ATRNL1: variants seen among roughly 807,000 people sequenced by gnomAD.
ATRNL1 encodes the protein attractin-like protein 1.
A neutral mutation model predicts 182.7 loss-of-function variants in ATRNL1; 95 were observed. The observed-to-expected ratio is 0.52, with a 90% CI of 0.44 to 0.62. The LOEUF is 0.62. ATRNL1 is among the 20% of genes least tolerant of loss of function. The pLI, the probability that ATRNL1 is intolerant of heterozygous loss-of-function variation, is 0.00. For synonymous variants in ATRNL1, 576 were observed against 568.3 expected (o/e 1.01, Z -0.19); for missense variants, 1,471 against 1,679.5 (o/e 0.88, Z 2.17).
intron 26 of ATRNL1, among the ~76,000 whole-genome samples, chr10:115,707,316 A>G (rs981997022): frequency 5.9e-5 from 9 of 151,808 alleles, no homozygotes; most frequent in African/African-American, 2.2e-4. Context: ...CAGAAAATGT[A>G]TATTTAAGTA....
chr10:115,797,204 T>G (rs1355364182), intron 27 of ATRNL1, among the ~76,000 whole-genome samples: 4 of 152,160 alleles, frequency 2.6e-5, no homozygotes, highest in Admixed American at 2.6e-4. Flanking sequence ...ATTAGACAAC[T>G]CAGGCCAGCA....
At chr10:115,667,000 G>A (rs1270891057) in intron 26 of ATRNL1, among the ~76,000 whole-genome samples, 1 of 152,120 alleles carries the variant, frequency 6.6e-6, no homozygotes, top group Non-Finnish European at 1.5e-5. Context: ...GCAGTTTAGG[G>A]ACTGTGGATG....
chr10:115,255,323 T>A (rs1851073139), intron 10 of ATRNL1, among the ~76,000 whole-genome samples: 1 of 152,220 alleles, frequency 6.6e-6, no homozygotes, highest in African/African-American at 2.4e-5. Flanking sequence ...AGCTGTGGTT[T>A]GTAGTTCTCC....
intron 20 of ATRNL1, among the ~76,000 whole-genome samples, chr10:115,407,714 T>C (rs1166167512): frequency 1.3e-5 from 2 of 152,200 alleles, no homozygotes; most frequent in East Asian, 1.9e-4. Flanking sequence ...GCCTTTGACA[T>C]ACTAATTTAT....
chr10:115,753,385 C>T (rs1948502142), intron 27 of ATRNL1, among the ~76,000 whole-genome samples: 2 of 152,132 alleles, frequency 1.3e-5, no homozygotes, highest in South Asian at 4.2e-4. Flanking sequence ...TTCATGTGTT[C>T]TAATTGTTCA....
At chr10:115,239,632 A>C (rs1031397620) in intron 9 of ATRNL1, among the ~76,000 whole-genome samples, 1 of 152,080 alleles carries the variant, frequency 6.6e-6, no homozygotes, top group Non-Finnish European at 1.5e-5. Context: ...TGTTCCTCTT[A>C]GAGTGACACC....
At chr10:115,279,094 C>T (rs564935589) in intron 13 of ATRNL1, among the ~76,000 whole-genome samples, 6 of 151,230 alleles carry the variant, frequency 4.0e-5, no homozygotes, top group African/African-American at 7.3e-5. Context: ...CCCAGCTACT[C>T]GGGAGGGTGA....
At chr10:115,135,053 T>C (rs1322284568) in intron 5 of ATRNL1, among the ~76,000 whole-genome samples, 4 of 152,002 alleles carry the variant, frequency 2.6e-5, no homozygotes, top group Non-Finnish European at 5.9e-5. Context: ...ATAAGAGGTA[T>C]TTATGACAAA....
At chr10:115,415,544 T>C (rs183559792) in intron 20 of ATRNL1, among the ~76,000 whole-genome samples, 140 of 151,950 alleles carry the variant, frequency 9.2e-4, no homozygotes, top group African/African-American at 3.2e-3. Flanking sequence ...GGTAGTCATA[T>C]TTCTTAGTCT....
Position 115,510,475 on chromosome 10 carries a change from A to G in ATRNL1, c.3655-8788A>G, listed in dbSNP as rs1392250490. On this transcript the variant is annotated intron_variant, in intron 24 of 28. Coordinates refer to ENST00000355044, the MANE Select transcript of ATRNL1 (RefSeq NM_207303.4). Reference sequence around the variant, plus strand: ...TGTCAACACTGAGGCAAGACCCTCCACCAGCAAAAAGAAAACATGCTAAAG... The same window carrying G: ...TGTCAACACTGAGGCAAGACCCTCCGCCAGCAAAAAGAAAACATGCTAAAG... Among the ~76,000 whole-genome samples the G allele has an allele frequency of 2.0e-5, 3 of 152,048 alleles. No individual in the cohort carries two copies. In the East Asian group the frequency reaches 5.8e-4, roughly 29 times the overall value.
intron 27 of ATRNL1, among the ~76,000 whole-genome samples, chr10:115,760,548 G>C (rs574542058): frequency 1.3e-5 from 2 of 152,088 alleles, no homozygotes; most frequent in South Asian, 4.2e-4. Context: ...CTATTACCCT[G>C]ATTGAAAGAT....
chr10:115,847,290 A>T lies in ATRNL1; in HGVS notation c.3904-587A>T, dbSNP rs1950951130. On this transcript the variant is annotated intron_variant, in intron 27 of 28. Transcript: ENST00000355044. ...GTAGGATGAATAAGTCTATAGATCT[A>T]ATGTAAGCAGGAGGACTGTAGTTAA... Among the ~76,000 whole-genome samples, 2 of 152,048 alleles carry T rather than the reference A, an allele frequency of 1.3e-5. 1 individual carries two copies. The highest frequency in any genetic ancestry group is 4.1e-4 in the South Asian group (2 of 4,828).
At chr10:115,904,005 ATGAG>A (rs1357918855) in intron 28 of ATRNL1, among the ~76,000 whole-genome samples, 7 of 152,138 alleles carry the variant, frequency 4.6e-5, no homozygotes, top group African/African-American at 1.4e-4. Context: ...GGGAGGAAGC[ATGAG>A]TAAGTAAGGA....
chr10:115,418,762 A>C (rs2134367010), intron 20 of ATRNL1, among the ~76,000 whole-genome samples: 1 of 152,302 alleles, frequency 6.6e-6, no homozygotes, highest in South Asian at 2.1e-4. Context: ...TCTCAGCAGA[A>C]ACCTTTCAGG....
intron 27 of ATRNL1, among the ~76,000 whole-genome samples, chr10:115,792,687 A>G (rs1473266832): frequency 1.5e-5 from 2 of 136,262 alleles, no homozygotes; most frequent in Non-Finnish European, 1.5e-5. Context: ...ATGTTATATG[A>G]AAAAAATATA....
At chr10:115,885,916 A>G (rs1173662876) in intron 28 of ATRNL1, among the ~76,000 whole-genome samples, 1 of 152,196 alleles carries the variant, frequency 6.6e-6, no homozygotes, top group East Asian at 1.9e-4. Context: ...TCTCTAAAAG[A>G]AGTTTTAAAT....
chr10:115,108,060 G>A (rs1478086230), intron 1 of ATRNL1, among the ~76,000 whole-genome samples: 1 of 152,028 alleles, frequency 6.6e-6, no homozygotes, highest in Non-Finnish European at 1.5e-5. Flanking sequence ...CTTATGCAAG[G>A]GTTCCTTGGC....
At chr10:115,181,504 A>C (rs567103719) in intron 8 of ATRNL1, among the ~76,000 whole-genome samples, 3 of 151,930 alleles carry the variant, frequency 2.0e-5, no homozygotes, top group Admixed American at 2.0e-4. Context: ...AAATCAGAAT[A>C]AAATATTCTG....
chr10:115,389,582 A>C (rs1363152512), intron 19 of ATRNL1, among the ~76,000 whole-genome samples: 1 of 106,540 alleles, frequency 9.4e-6, no homozygotes, highest in African/African-American at 3.6e-5. Context: ...ATATATATAT[A>C]TATATATATT....
Sources: allele counts gnomAD v4.1 joint callset (sites outside exome capture counted in the v4.1 genomes callset), GRCh38; gene constraint gnomAD v4.1.1; transcripts MANE v1.5; gene names NCBI Gene and HGNC (gene_info 2026-07-23, HGNC 2026-07-21).